Variants in ICE2 observed in about 807,000 individuals in gnomAD.
ICE2 encodes the protein interactor of little elongation complex ELL subunit 2, also known as little elongation complex subunit 2.
In ICE2, 87 loss-of-function variants were observed where a neutral mutation model predicts 105.4. The observed-to-expected ratio is 0.83, with a 90% CI of 0.69 to 0.99. ICE2 has a LOEUF of 0.99. Ranked by LOEUF, ICE2 falls within the 50% of genes least tolerant of loss-of-function variation. The pLI, the probability that ICE2 is intolerant of heterozygous loss-of-function variation, is 0.00. For synonymous variants in ICE2, 399 were observed against 392.0 expected (o/e 1.02, Z -0.21); for missense variants, 1,323 against 1,146.7 (o/e 1.15, Z -2.22).
Position 60,449,830 on chromosome 15 carries a change from T to C in ICE2, c.1137A>G (p.Glu379=), listed in dbSNP as rs117980613. ...TCTCAATTTTTCGGCACTCGTTGAC[T>C]TCACAGGACATCTTATGTAAATAAA... ...EFISEMDMSC[E]VNECRKIESL... is the part of the protein sequence containing the mutation. Residue 379 remains glutamate (E), a synonymous_variant, in exon 10 of 16, where the codon GAA becomes GAG. Coordinates refer to ENST00000261520, the MANE Select transcript of ICE2 (RefSeq NM_024611.6). 1.5e-3 allele frequency: 2,418 copies of C among 1,610,194 alleles called. 7 individuals carry two copies. The highest frequency in any genetic ancestry group is 4.6e-3 in the Middle Eastern group (28 of 6,042).
chr15:60,441,081 G>A (rs569251232), intron 12 of ICE2: 2 of 151,436 alleles, frequency 1.3e-5, no homozygotes, highest in Non-Finnish European at 1.5e-5. Context: ...AATTTCACTC[G>A]TAAGTTTTTA....
chr15:60,432,162 A>AT (rs1276365618), intron 13 of ICE2, among the ~76,000 whole-genome samples, 178 bp from the exon 14 acceptor site: 6 of 144,710 alleles, frequency 4.1e-5, no homozygotes, highest in Admixed American at 2.8e-4. Flanking sequence ...TATTTACTTA[A>AT]TTTTTTAAAA....
At chr15:60,442,306 A>C in intron 12 of ICE2, 110 bp downstream of exon 12, 1 of 1,014,432 alleles carries the variant, frequency 9.9e-7, no homozygotes, top group Non-Finnish European at 1.5e-6. Context: ...TAAATACATA[A>C]ATAAAAACGA....
chr15:60,435,639 A>G (rs1031430191), intron 13 of ICE2, among the ~76,000 whole-genome samples: 1 of 150,974 alleles, frequency 6.6e-6, no homozygotes, highest in Non-Finnish European at 1.5e-5. Context: ...CAAAATACGT[A>G]TAACCGTCAT....
chr15:60,454,881 G>A (rs772562714), intron 8 of ICE2, 122 bp downstream of exon 8: 2 of 830,576 alleles, frequency 2.4e-6, no homozygotes, highest in Non-Finnish European at 3.6e-6. Context: ...ACAGGCCCCG[G>A]TGTGTGTTGT....
chr15:60,445,395 TA>T, intron 11 of ICE2: 1 of 202,484 alleles, frequency 4.9e-6, no homozygotes, highest in Non-Finnish European at 8.8e-6. Flanking sequence ...TTCCAGAGGA[TA>T]AAATATTTTG....
intron 5 of ICE2, among the ~76,000 whole-genome samples, chr15:60,457,071 A>G (rs989290300): frequency 4.6e-5 from 7 of 152,194 alleles, no homozygotes; most frequent in African/African-American, 1.7e-4. Flanking sequence ...TGTTAAAGGC[A>G]CATGAAAATT....
intron 6 of ICE2, 97 bp downstream of exon 6, chr15:60,456,560 T>TAA (rs1311091396): frequency 7.2e-5 from 6 of 83,320 alleles, no homozygotes; most frequent in Non-Finnish European, 1.4e-4. Context: ...AATAAATAAA[T>TAA]AAATAAATAT....
chr15:60,431,043 T>C (rs1338486933), intron 14 of ICE2, among the ~76,000 whole-genome samples: 1 of 152,076 alleles, frequency 6.6e-6, no homozygotes, highest in Admixed American at 6.5e-5. Flanking sequence ...AGCTAATTTT[T>C]TTGTATTTTT....
intron 12 of ICE2, chr15:60,440,896 T>G (rs955886156): frequency 1.3e-5 from 2 of 152,070 alleles, no homozygotes; most frequent in African/African-American, 4.8e-5. Flanking sequence ...AATGAAAGGC[T>G]CACAAGAGGA....
At chr15:60,459,416 C>T (rs996050886) in intron 5 of ICE2, among the ~76,000 whole-genome samples, 2 of 152,066 alleles carry the variant, frequency 1.3e-5, no homozygotes, top group African/African-American at 4.8e-5. Context: ...GTATGAAATA[C>T]AATGATCTTA....
At chr15:60,460,371 G>T (rs575617898) in intron 5 of ICE2, among the ~76,000 whole-genome samples, 1 of 152,306 alleles carries the variant, frequency 6.6e-6, no homozygotes, top group East Asian at 1.9e-4. Context: ...GGTAGCAGGT[G>T]CCTGTAATCT....
rs780937355 is a variant in ICE2, at chr15:60,449,577, A to G, written c.1390T>C (p.Leu464=). The G allele has an allele frequency of 8.7e-6, 14 of 1,614,010 alleles. No individual in the cohort carries two copies. Among genetic ancestry groups the G allele is most frequent in the Middle Eastern group, 3.3e-4 (2 of 6,084 alleles). ...GTGACCAGCTGTTTCTCCTTTTGCA[A>G]TTGTTCCATCAGAATCTGAGATAAA... ...RSLSQILMEQ[L]QKEKQLVTGM... Residue 464 remains leucine (L), a synonymous_variant, in exon 10 of 16, where the codon TTG becomes CTG. Coordinates refer to ENST00000261520, the MANE Select transcript of ICE2 (RefSeq NM_024611.6).
Position 60,479,006 on chromosome 15 carries a change from A to T in ICE2, c.-96T>A, listed in dbSNP as rs1245706614. 2 of 455,766 alleles carry T rather than the reference A, an allele frequency of 4.4e-6. No homozygotes were observed. The highest frequency in any genetic ancestry group is 2.0e-5 in the African/African-American group (1 of 50,034). The allele number at this position is 455,766 out of a possible 1,614,324, so 28.2% of individuals were successfully genotyped here. A position where few individuals can be genotyped will look rare whatever the true frequency, so the allele number is the denominator to read the frequency against. On this transcript the variant is annotated 5_prime_UTR_variant, in exon 1 of 16. An upstream start codon of the reference 5' UTR is lost. Coordinates refer to ENST00000261520, the MANE Select transcript of ICE2 (RefSeq NM_024611.6). ...GCAACACAGCCTTTCCGCCCACCTC[A>T]TGGTCCGCGGCGGCTCTTGCCCAGG...
Position 60,453,774 on chromosome 15 carries a change from T to C in ICE2, c.954A>G (p.Pro318=). 6.3e-7 allele frequency: 1 copy of C among 1,576,430 alleles called. No homozygotes were observed. Among genetic ancestry groups the C allele is most frequent in the Non-Finnish European group, 8.7e-7 (1 of 1,146,646 alleles). ...IQVIPVAGSK[P]VKVIYINSPL... The stretch of plus-strand genomic sequence containing the variant: ...GTGAATTAATATATATTACTTTAAC[T>C]GGTTTTGAACCTTAAAACAGAAACC... Residue 318 remains proline (P), a synonymous_variant, in exon 9 of 16, where the codon CCA becomes CCG. Transcript: ENST00000261520.
intron 5 of ICE2, among the ~76,000 whole-genome samples, chr15:60,457,782 C>T (rs888503128): frequency 6.6e-6 from 1 of 152,186 alleles, no homozygotes; most frequent in Non-Finnish European, 1.5e-5. Context: ...GTAACTAACA[C>T]AGATGTGGAC....
In ICE2 at chr15:60,435,320, C is replaced by A. The variant is rs185868163; in HGVS notation, c.2510+823G>T. On this transcript the variant is annotated intron_variant, in intron 13 of 15. Coordinates refer to ENST00000261520, the MANE Select transcript of ICE2 (RefSeq NM_024611.6). ...AACAAAACAAAAATCACATGTAGGG[C>A]CAGGCGCAGTGGCTCACACCTGTAA... Among the ~76,000 whole-genome samples, 337 of 150,160 alleles carry A rather than the reference C, an allele frequency of 2.2e-3. 2 individuals carry two copies. Among genetic ancestry groups the A allele is most frequent in the African/African-American group, 8.1e-3 (332 of 40,896 alleles).
chr15:60,466,350 G>A (rs1458643420), intron 5 of ICE2, among the ~76,000 whole-genome samples: 2 of 152,208 alleles, frequency 1.3e-5, no homozygotes, highest in Admixed American at 6.5e-5. Flanking sequence ...TGAATAAAAT[G>A]TAATGATACA....
intron 12 of ICE2, chr15:60,439,019 T>TTC (rs1295478719): frequency 2.6e-5 from 4 of 152,204 alleles, no homozygotes; most frequent in Admixed American, 6.5e-5. Flanking sequence ...CATTCATATA[T>TTC]ATATGCACAT....
Sources: gnomAD v4.1 joint callset for allele counts (sites outside exome capture counted in the v4.1 genomes callset) on GRCh38, gnomAD v4.1.1 for gene constraint, MANE v1.5 for transcripts, NCBI Gene and HGNC (gene_info 2026-07-23, HGNC 2026-07-21) for gene names.